The following RORA variants were observed in gnomAD, a reference collection of about 807,000 sequenced individuals.
RORA encodes nuclear receptor ROR-alpha.
In RORA, 7 loss-of-function variants were observed where a neutral mutation model predicts 69.5. That is an observed-to-expected ratio of 0.10 (90% CI 0.06 to 0.19). RORA has a LOEUF of 0.19. RORA is among the 10% of genes least tolerant of loss of function. RORA has a pLI of 1.00. For missense variants in RORA, 457 were observed against 663.0 expected, an observed-to-expected ratio of 0.69 and a Z score of 3.41; for synonymous variants, 261 against 240.8, an observed-to-expected ratio of 1.08 and a Z score of -0.78.
At chr15:60,667,191 G>T (rs147177020) in intron 2 of RORA, among the ~76,000 whole-genome samples, 1 of 152,064 alleles carries the variant, frequency 6.6e-6, no homozygotes, top group Non-Finnish European at 1.5e-5. Context: ...ATTCACAATC[G>T]TCCCTCTTAC....
At chr15:60,706,029 A>T (rs1171491874) in intron 1 of RORA, among the ~76,000 whole-genome samples, 1 of 152,206 alleles carries the variant, frequency 6.6e-6, no homozygotes, top group Non-Finnish European at 1.5e-5. Flanking sequence ...AGCTATAGAA[A>T]GCACGGTAAA....
At chr15:60,636,804 G>A (rs1022717118) in intron 2 of RORA, among the ~76,000 whole-genome samples, 5 of 151,876 alleles carry the variant, frequency 3.3e-5, no homozygotes, top group Admixed American at 6.6e-5. Context: ...CTATTTTTTC[G>A]TATGCTTTTA....
At chr15:60,603,838 A>T (rs2068876870) in intron 2 of RORA, among the ~76,000 whole-genome samples, 1 of 152,194 alleles carries the variant, frequency 6.6e-6, no homozygotes, top group Admixed American at 6.5e-5. Context: ...ACTTATCAAC[A>T]AAAAGCACAA....
intron 1 of RORA, among the ~76,000 whole-genome samples, chr15:60,697,632 T>C (rs961524043): frequency 2.6e-5 from 4 of 152,150 alleles, no homozygotes; most frequent in African/African-American, 9.7e-5. Flanking sequence ...TCTGCCTGCT[T>C]GCTCTACATA....
intron 1 of RORA, among the ~76,000 whole-genome samples, chr15:61,171,056 T>C (rs1485149017): frequency 6.6e-6 from 1 of 152,188 alleles, no homozygotes. Context: ...AAGGCAGGAT[T>C]TGAATTTGCT....
intron 1 of RORA, among the ~76,000 whole-genome samples, chr15:60,834,503 G>A (rs952590196): frequency 3.3e-5 from 5 of 152,216 alleles, no homozygotes; most frequent in African/African-American, 1.2e-4. Context: ...AAGCTGCAAA[G>A]AGAGTTGCTA....
Position 60,845,457 on chromosome 15 carries a change from T to C in RORA, c.167-166771A>G, listed in dbSNP as rs73428379. On this transcript the variant is annotated intron_variant, in intron 1 of 10. Coordinates refer to ENST00000335670, the MANE Select transcript of RORA (RefSeq NM_134261.3). ...CCTTTTCGTTTCCCCAGGCAATCTT[T>C]TGATGATTCTTTAAGGTCCCCAGAT... 6.1e-3 allele frequency among the ~76,000 whole-genome samples: 930 copies of C among 152,310 alleles called. 9 individuals carry two copies. Among genetic ancestry groups the C allele is most frequent in the African/African-American group, 0.021 (883 of 41,568 alleles).
At chr15:60,634,209 A>G (rs1162783032) in intron 2 of RORA, among the ~76,000 whole-genome samples, 1 of 152,114 alleles carries the variant, frequency 6.6e-6, no homozygotes, top group African/African-American at 2.4e-5. Context: ...TAGAATACGT[A>G]AAAAAGATAC....
chr15:61,201,932 G>A (rs913448677), intron 1 of RORA, among the ~76,000 whole-genome samples: 1 of 151,428 alleles, frequency 6.6e-6, no homozygotes, highest in African/African-American at 2.4e-5. Context: ...CTGACTATTA[G>A]ATTCGATGTA....
At chr15:60,682,173 A>C (rs957014083) in intron 1 of RORA, among the ~76,000 whole-genome samples, 2 of 152,254 alleles carry the variant, frequency 1.3e-5, no homozygotes, top group African/African-American at 2.4e-5. Flanking sequence ...TAAAGGAAAT[A>C]AGGATGTATG....
chr15:61,144,256 A>T (rs1170328601), intron 1 of RORA, among the ~76,000 whole-genome samples: 1 of 152,238 alleles, frequency 6.6e-6, no homozygotes, highest in Non-Finnish European at 1.5e-5. Context: ...AAATCACAAC[A>T]GAGACCTCAG....
intron 1 of RORA, among the ~76,000 whole-genome samples, chr15:61,174,382 C>T (rs1233904207): frequency 6.6e-6 from 1 of 152,210 alleles, no homozygotes; most frequent in Non-Finnish European, 1.5e-5. Context: ...TCTTAGCCAA[C>T]CACTGGCCAT....
chr15:60,976,039 T>C (rs932597323), intron 1 of RORA, among the ~76,000 whole-genome samples: 3 of 152,244 alleles, frequency 2.0e-5, no homozygotes, highest in African/African-American at 7.2e-5. Context: ...GGAGGACTCA[T>C]GTAACTTCTC....
At chr15:61,096,888 T>C (rs1431798127) in intron 1 of RORA, among the ~76,000 whole-genome samples, 1 of 152,214 alleles carries the variant, frequency 6.6e-6, no homozygotes, top group Non-Finnish European at 1.5e-5. Flanking sequence ...AACACTTCTC[T>C]GCTAGCCTGA....
Position 60,918,602 on chromosome 15 carries a change from G to C in RORA, c.167-239916C>G, listed in dbSNP as rs74972317. ...GACATGATTAGTTGTGGCTTTGTAA[G>C]AAAATGTTGTTATGAAAGGGACTTT... On this transcript the variant is annotated intron_variant, in intron 1 of 10. Coordinates refer to ENST00000335670, the MANE Select transcript of RORA (RefSeq NM_134261.3). Among the ~76,000 whole-genome samples, 1,116 of 152,324 alleles carry C rather than the reference G, an allele frequency of 7.3e-3. 9 individuals carry two copies. The highest frequency in any genetic ancestry group is 0.026 in the African/African-American group (1,078 of 41,560).
intron 1 of RORA, among the ~76,000 whole-genome samples, chr15:61,210,953 G>A (rs982870197): frequency 3.2e-4 from 48 of 152,348 alleles, no homozygotes; most frequent in African/African-American, 1.2e-3. Flanking sequence ...TGGTGGCCAA[G>A]GCGAAAGCAG....
chr15:60,943,125 T>C (rs575281507), intron 1 of RORA, among the ~76,000 whole-genome samples: 3 of 152,370 alleles, frequency 2.0e-5, no homozygotes, highest in Admixed American at 6.5e-5. Flanking sequence ...CAAGTAGCTA[T>C]GCATAGTAGC....
intron 1 of RORA, among the ~76,000 whole-genome samples, chr15:61,001,200 T>A (rs1894734399): frequency 6.6e-6 from 1 of 152,182 alleles, no homozygotes; most frequent in Non-Finnish European, 1.5e-5. Context: ...ATAAACACAA[T>A]AGTTACCAAT....
At chr15:61,163,707 CCA>C (rs985596815) in intron 1 of RORA, among the ~76,000 whole-genome samples, 2 of 152,162 alleles carry the variant, frequency 1.3e-5, no homozygotes, top group Non-Finnish European at 2.9e-5. Flanking sequence ...ATGACAAATT[CCA>C]CAGAGTTTGT....
Sources: gnomAD v4.1 joint callset for allele counts (sites outside exome capture counted in the v4.1 genomes callset) on GRCh38, gnomAD v4.1.1 for gene constraint, MANE v1.5 for transcripts, NCBI Gene and HGNC (gene_info 2026-07-23, HGNC 2026-07-21) for gene names.